The following SFMBT2 variants were observed in gnomAD, a reference collection of about 807,000 sequenced individuals.
SFMBT2 encodes the protein Scm like with four mbt domains 2.
SFMBT2 carries 38 observed loss-of-function variants against 110.1 expected under a neutral mutation model. The ratio of observed to expected loss-of-function variants is 0.35; its 90% confidence interval spans 0.27 to 0.45. The LOEUF is 0.45. Among genes scored for constraint, SFMBT2 ranks in the 20% least tolerant of loss-of-function variants. The pLI, the probability that SFMBT2 is intolerant of heterozygous loss-of-function variation, is 1.00. For synonymous variants in SFMBT2, 425 were observed against 425.4 expected, an observed-to-expected ratio of 1.00 and a Z score of 0.01; for missense variants, 1,011 against 1,094.9, an observed-to-expected ratio of 0.92 and a Z score of 1.08.
chr10:7,292,886 G>A (rs1310019079), intron 4 of SFMBT2, among the ~76,000 whole-genome samples: 1 of 152,022 alleles, frequency 6.6e-6, no homozygotes, highest in Non-Finnish European at 1.5e-5. Flanking sequence ...CCAGCTACTA[G>A]GAAGGCTGAG....
intron 1 of SFMBT2, among the ~76,000 whole-genome samples, chr10:7,401,754 T>A (rs1846089107): frequency 6.6e-6 from 1 of 152,182 alleles, no homozygotes; most frequent in African/African-American, 2.4e-5. Context: ...TTCCTGCAGG[T>A]ACAAATGCAA....
intron 4 of SFMBT2, among the ~76,000 whole-genome samples, chr10:7,290,263 A>AC (rs1842224294): frequency 8.1e-6 from 1 of 122,888 alleles, no homozygotes. Flanking sequence ...ATAAGAAACA[A>AC]AAAAAAAAAA....
chr10:7,401,933 C>T (rs1364348156), intron 1 of SFMBT2, among the ~76,000 whole-genome samples: 4 of 152,116 alleles, frequency 2.6e-5, no homozygotes, highest in Non-Finnish European at 4.4e-5. Flanking sequence ...CTATTTAGAA[C>T]GGTCTCCTAC....
intron 4 of SFMBT2, among the ~76,000 whole-genome samples, chr10:7,322,686 G>A (rs1843232152): frequency 6.6e-6 from 1 of 152,262 alleles, no homozygotes; most frequent in South Asian, 2.1e-4. Context: ...TGAAATGGAA[G>A]AGGGGACAGT....
intron 7 of SFMBT2, among the ~76,000 whole-genome samples, chr10:7,273,825 T>C (rs1269015164): frequency 6.6e-6 from 1 of 152,232 alleles, no homozygotes; most frequent in African/African-American, 2.4e-5. Flanking sequence ...TTTTACACTG[T>C]TGGTGGGACT....
intron 2 of SFMBT2, among the ~76,000 whole-genome samples, chr10:7,374,418 G>C (rs1845145929): frequency 6.6e-6 from 1 of 152,150 alleles, no homozygotes; most frequent in Admixed American, 6.5e-5. Flanking sequence ...GGAGACCAGA[G>C]CCTCCAATTT....
At chr10:7,195,633 A>G (rs1429364713) in intron 15 of SFMBT2, among the ~76,000 whole-genome samples, 1 of 151,604 alleles carries the variant, frequency 6.6e-6, no homozygotes, top group African/African-American at 2.4e-5. Context: ...TGCTGTGAGG[A>G]TCCTCTCCTC....
intron 8 of SFMBT2, among the ~76,000 whole-genome samples, chr10:7,246,718 C>CAAAA (rs397949347): frequency 1.2e-3 from 84 of 71,842 alleles, no homozygotes; most frequent in Admixed American, 1.6e-3. Flanking sequence ...GACTCCATCT[C>CAAAA]AAAAAAAAAA....
intron 9 of SFMBT2, among the ~76,000 whole-genome samples, 192 bp from the exon 10 acceptor site, chr10:7,228,129 G>A (rs1040616345): frequency 5.3e-5 from 8 of 152,154 alleles, no homozygotes; most frequent in East Asian, 1.9e-4. Flanking sequence ...GTAAACCATC[G>A]TTACTATAAC....
intron 11 of SFMBT2, among the ~76,000 whole-genome samples, chr10:7,217,258 T>C (rs1028929042): frequency 2.0e-5 from 3 of 152,170 alleles, no homozygotes; most frequent in Admixed American, 6.6e-5. Flanking sequence ...GTGATGGGTA[T>C]ATAACTGTGT....
At position 7,197,535 on chromosome 10, in the gene SFMBT2, G is replaced by A. The variant is rs749860210; in HGVS notation, c.1698+13C>T. 1.2e-6 allele frequency: 2 copies of A among 1,612,716 alleles called. No homozygotes were observed. The highest frequency in any genetic ancestry group is 4.5e-5 in the East Asian group (2 of 44,854). On this transcript the variant is annotated intron_variant, in intron 15 of 20. Transcript: ENST00000397167. ...TGTTAAAATAAGCCAAGGTGATTGT[G>A]CACGGGCTTTACCTCTTTAAGAACC...
rs187524906 is a variant in SFMBT2, at chr10:7,358,682, C to T, written c.436+8967G>A. ...GCATGGCGCTAGAACATCTACTTGGCCCTGGAATGGAGGCATGGTGGCTCT... is the reference window on the plus strand; with the variant it reads ...GCATGGCGCTAGAACATCTACTTGGTCCTGGAATGGAGGCATGGTGGCTCT... On this transcript the variant is annotated intron_variant, in intron 4 of 20. Transcript: ENST00000397167. Among the ~76,000 whole-genome samples, 605 of 150,258 alleles carry T rather than the reference C, an allele frequency of 4.0e-3. 3 individuals carry two copies. Among genetic ancestry groups the T allele is most frequent in the Non-Finnish European group, 5.1e-3 (347 of 67,656 alleles).
chr10:7,397,995 T>C (rs1219793123), intron 1 of SFMBT2, among the ~76,000 whole-genome samples: 1 of 152,242 alleles, frequency 6.6e-6, no homozygotes, highest in South Asian at 2.1e-4. Flanking sequence ...GAGCTTGATT[T>C]ACCTTGATTA....
At chr10:7,221,136 T>G (rs565807435) in intron 10 of SFMBT2, among the ~76,000 whole-genome samples, 52 of 152,114 alleles carry the variant, frequency 3.4e-4, no homozygotes, top group African/African-American at 1.1e-3. Flanking sequence ...GCACCCTTCC[T>G]TCTATGGGAT....
chr10:7,370,973 C>T (rs2132058396), intron 2 of SFMBT2: 1 of 162,960 alleles, frequency 6.1e-6, no homozygotes, highest in South Asian at 2.0e-4. Context: ...CAACTCTTAC[C>T]TACTGCCGGG....
rs1554812962 is a variant in SFMBT2, at chr10:7,384,238, A to AAAAAAAAAAT, written c.-51-2290_-51-2289insATTTTTTTTT. Among the ~76,000 whole-genome samples the AAAAAAAAAAT allele has an allele frequency of 7.3e-4, 106 of 145,514 alleles. 2 individuals carry two copies. Among genetic ancestry groups the AAAAAAAAAAT allele is most frequent in the Non-Finnish European group, 1.2e-3 (80 of 64,964 alleles). On this transcript the variant is annotated intron_variant, in intron 1 of 20. Coordinates refer to ENST00000397167, the MANE Select transcript of SFMBT2 (RefSeq NM_001387889.1). ...AAAAAAAAAAAAAAAAAAAAAAAAA[A>AAAAAAAAAAT]CAACCACAGAAAGGACAAATAAGTA...
chr10:7,397,367 GT>G (rs950104964), intron 1 of SFMBT2, among the ~76,000 whole-genome samples: 5 of 149,346 alleles, frequency 3.3e-5, no homozygotes, highest in African/African-American at 1.2e-4. Flanking sequence ...GTTTGTTGTT[GT>G]TTTTTTGTTT....
intron 1 of SFMBT2, among the ~76,000 whole-genome samples, chr10:7,403,274 CTCAA>C (rs1312236328): frequency 1.2e-4 from 19 of 152,194 alleles, no homozygotes; most frequent in African/African-American, 3.9e-4. Context: ...TCTCCAAAGA[CTCAA>C]TCAAACTCCT....
chr10:7,286,466 G>C (rs1842091571), intron 4 of SFMBT2: 1 of 601,936 alleles, frequency 1.7e-6, no homozygotes, highest in Non-Finnish European at 2.1e-6. Context: ...AGAATAAGTA[G>C]TCCCCTCCAT....
Sources: gnomAD v4.1 joint callset for allele counts (sites outside exome capture counted in the v4.1 genomes callset) on GRCh38, gnomAD v4.1.1 for gene constraint, MANE v1.5 for transcripts, NCBI Gene and HGNC (gene_info 2026-07-23, HGNC 2026-07-21) for gene names.